Variants in PAN3 observed in about 807,000 individuals in gnomAD.
The protein encoded by PAN3 is poly(A) specific ribonuclease subunit PAN3, also known as PAN2-PAN3 deadenylation complex subunit PAN3.
Under a neutral mutation model 96.2 loss-of-function variants are expected in PAN3, and 19 were observed. The observed-to-expected ratio is 0.20, with a 90% CI of 0.14 to 0.29. PAN3 has a LOEUF of 0.29. Among genes scored for constraint, PAN3 ranks in the 10% least tolerant of loss-of-function variants. The pLI is 1.00. For missense variants in PAN3, 882 were observed against 1,108.1 expected (o/e 0.80, Z 2.90); for synonymous variants, 433 against 406.6 (o/e 1.06, Z -0.78).
At chr13:28,264,255 C>T (rs555953660) in intron 9 of PAN3, among the ~76,000 whole-genome samples, 84 of 151,920 alleles carry the variant, frequency 5.5e-4, no homozygotes, top group Non-Finnish European at 9.7e-4. Context: ...AAAAGAAAAA[C>T]GCGCCGGGCG....
intron 8 of PAN3, 57 bp downstream of exon 8, chr13:28,260,608 A>G (rs1885619654): frequency 2.2e-6 from 3 of 1,359,614 alleles, no homozygotes; most frequent in Middle Eastern, 1.8e-4. Context: ...TTTAGTGAAC[A>G]GGGGAAAGAA....
chr13:28,252,303 A>G (rs921577370), intron 6 of PAN3, among the ~76,000 whole-genome samples: 1 of 148,178 alleles, frequency 6.7e-6, no homozygotes, highest in Non-Finnish European at 1.5e-5. Context: ...GAGGGTGTCC[A>G]TGTTAGTTTA....
rs530275752 is a variant in PAN3, at chr13:28,142,079, C to G, written c.430+2992C>G. Among the ~76,000 whole-genome samples, 17 of 152,308 alleles carry G rather than the reference C, an allele frequency of 1.1e-4. No individual in the cohort carries two copies. The South Asian group carries it at 2.3e-3, about 20-fold the overall frequency. On this transcript the variant is annotated intron_variant, in intron 1 of 18. Coordinates refer to ENST00000380958, the MANE Select transcript of PAN3 (RefSeq NM_175854.8). ...CTTGTCTGGCTGAAGCCTAAGGCTCCTCTTTTCTGTGATAGGCTTCTTGGT... is the reference window on the plus strand; with the variant it reads ...CTTGTCTGGCTGAAGCCTAAGGCTCGTCTTTTCTGTGATAGGCTTCTTGGT...
intron 6 of PAN3, among the ~76,000 whole-genome samples, chr13:28,238,917 T>G (rs45529335): frequency 0.035 from 5,263 of 152,194 alleles, 97 homozygotes; most frequent in South Asian, 0.053. Context: ...GATTTTTTTT[T>G]GGGTTTAGAC....
chr13:28,280,280 C>T (rs754989031), intron 15 of PAN3, 132 bp from the exon 16 acceptor site: 107 of 1,082,296 alleles, frequency 9.9e-5, no homozygotes, highest in Admixed American at 2.2e-4. Context: ...ATGAACTTGA[C>T]TTGCATGAAT....
chr13:28,186,303 T>C (rs921334113), intron 4 of PAN3, among the ~76,000 whole-genome samples: 4 of 152,136 alleles, frequency 2.6e-5, no homozygotes, highest in African/African-American at 7.2e-5. Flanking sequence ...GAGTTGGATA[T>C]GAGATGTTAT....
chr13:28,154,045 T>C (rs1461312932), intron 1 of PAN3, among the ~76,000 whole-genome samples: 2 of 152,214 alleles, frequency 1.3e-5, no homozygotes, highest in African/African-American at 4.8e-5. Context: ...AAACTAAAAC[T>C]GCTTTATTGG....
At position 28,270,892 on chromosome 13, in the gene PAN3, C is replaced by A. The variant is rs1886566104; in HGVS notation, c.1958+26C>A. 6.2e-6 allele frequency: 10 copies of A among 1,604,158 alleles called. No homozygotes were observed. In the East Asian group the frequency reaches 2.0e-4, roughly 32 times the overall value. ...GTACTAGCATTTTGAGTTTTGGTTT[C>A]TTTTATTGAGCGTCTTACCTTTGAC... On this transcript the variant is annotated intron_variant, in intron 13 of 18. Coordinates refer to ENST00000380958, the MANE Select transcript of PAN3 (RefSeq NM_175854.8).
chr13:28,263,032 C>A (rs920843567), intron 9 of PAN3, among the ~76,000 whole-genome samples: 1 of 152,158 alleles, frequency 6.6e-6, no homozygotes, highest in African/African-American at 2.4e-5. Context: ...CAAAGCATAA[C>A]TTCCAGTCAA....
chr13:28,216,199 GAAA>G lies in PAN3; in HGVS notation c.853-4022_853-4020del, dbSNP rs35775689. On this transcript the variant is annotated intron_variant, in intron 5 of 18. Coordinates refer to ENST00000380958, the MANE Select transcript of PAN3 (RefSeq NM_175854.8). ...GACCCATTAAAACAAAGTTTAGTGAGAAAAAAAAAAAAGCCAGGTAAAAAATAC... is the reference window on the plus strand; with the variant it reads ...GACCCATTAAAACAAAGTTTAGTGAGAAAAAAAAAGCCAGGTAAAAAATAC... Among the ~76,000 whole-genome samples the G allele has an allele frequency of 4.4e-4, 59 of 133,772 alleles. No homozygotes were observed. In the South Asian group the frequency reaches 8.4e-3, roughly 19 times the overall value. The allele number at this position is 133,772 out of a possible 152,430, so 87.8% of individuals were successfully genotyped here. A position where few individuals can be genotyped will look rare whatever the true frequency, so the allele number is the denominator to read the frequency against.
chr13:28,179,849 A>G (rs1214213579), intron 4 of PAN3, among the ~76,000 whole-genome samples: 1 of 152,180 alleles, frequency 6.6e-6, no homozygotes, highest in East Asian at 1.9e-4. Context: ...TATATGATTT[A>G]GAGCTCCTGA....
intron 3 of PAN3, among the ~76,000 whole-genome samples, chr13:28,177,301 T>C (rs45517436): frequency 1.4e-3 from 206 of 152,326 alleles, no homozygotes; most frequent in African/African-American, 4.6e-3. Context: ...GAAATAAATT[T>C]TGAAAAACTT....
chr13:28,247,175 C>A (rs1452830035), intron 6 of PAN3, among the ~76,000 whole-genome samples: 1 of 149,542 alleles, frequency 6.7e-6, no homozygotes, highest in Non-Finnish European at 1.5e-5. Context: ...ATTAATAATG[C>A]TGGACTTTTT....
chr13:28,288,228 A>AC, intron 18 of PAN3, 106 bp downstream of exon 18: 1 of 998,042 alleles, frequency 1.0e-6, no homozygotes, highest in Non-Finnish European at 1.4e-6. Flanking sequence ...ATGTACTCTT[A>AC]AAGTAGCCTG....
intron 5 of PAN3, among the ~76,000 whole-genome samples, chr13:28,219,840 G>T (rs551614273): frequency 4.6e-5 from 7 of 152,344 alleles, no homozygotes; most frequent in African/African-American, 1.7e-4. Flanking sequence ...AATTTTGGAA[G>T]AAAGGCAGTT....
intron 6 of PAN3, among the ~76,000 whole-genome samples, chr13:28,233,967 C>A (rs1882844861): frequency 2.0e-5 from 3 of 152,130 alleles, no homozygotes; most frequent in Admixed American, 1.3e-4. Context: ...CATTGCTGGC[C>A]AGGACCCCTA....
chr13:28,290,076 A>G (rs1322855986), intron 18 of PAN3, among the ~76,000 whole-genome samples: 3 of 152,220 alleles, frequency 2.0e-5, no homozygotes, highest in Admixed American at 6.5e-5. Context: ...TCTATGGCCT[A>G]TTTTTTTAAA....
At chr13:28,149,017 G>A (rs1441247453) in intron 1 of PAN3, among the ~76,000 whole-genome samples, 1 of 151,820 alleles carries the variant, frequency 6.6e-6, no homozygotes, top group African/African-American at 2.4e-5. Flanking sequence ...TACTTAAGGA[G>A]CATATAGAGT....
intron 4 of PAN3, among the ~76,000 whole-genome samples, chr13:28,189,552 A>G (rs1315532168): frequency 6.6e-6 from 1 of 151,770 alleles, no homozygotes; most frequent in Non-Finnish European, 1.5e-5. Flanking sequence ...AAAAACTCTC[A>G]GTGTTAAGAT....
Sources: allele counts gnomAD v4.1 joint callset (sites outside exome capture counted in the v4.1 genomes callset), GRCh38; gene constraint gnomAD v4.1.1; transcripts MANE v1.5; gene names NCBI Gene and HGNC (gene_info 2026-07-23, HGNC 2026-07-21).